DAGLB: variants seen among roughly 807,000 people sequenced by gnomAD.
DAGLB encodes diacylglycerol lipase-beta.
Under a neutral mutation model 72.1 loss-of-function variants are expected in DAGLB, and 66 were observed. The ratio of observed to expected loss-of-function variants is 0.92; its 90% CI spans 0.75 to 1.12. The LOEUF is 1.12. Ranked by LOEUF, DAGLB falls within the 50% of genes most tolerant of loss-of-function variation. The pLI, the probability that DAGLB is intolerant of heterozygous loss-of-function variation, is 0.00. For synonymous variants in DAGLB, 414 were observed against 359.5 expected, an observed-to-expected ratio of 1.15 and a Z score of -1.71; for missense variants, 1,065 against 884.9, an observed-to-expected ratio of 1.20 and a Z score of -2.58.
intron 1 of DAGLB, among the ~76,000 whole-genome samples, chr7:6,446,588 G>T (rs7810332): frequency 1.3e-5 from 2 of 151,432 alleles, no homozygotes; most frequent in Non-Finnish European, 1.5e-5. Flanking sequence ...TAGAGACAGG[G>T]TCTTGCTATG....
In DAGLB at chr7:6,434,744, C is replaced by G. The variant is rs376195510; in HGVS notation, c.678+18G>C. On this transcript the variant is annotated intron_variant, in intron 4 of 14. Coordinates refer to ENST00000297056, the MANE Select transcript of DAGLB (RefSeq NM_139179.4). ...CTGAAACAGAAGAAACAGACCAAAC[C>G]AGATCCCCTCGGCTTACTGAAAAGT... 1 of 1,613,558 alleles carries G rather than the reference C, an allele frequency of 6.2e-7. No homozygotes were observed. The highest frequency in any genetic ancestry group is 1.3e-5 in the African/African-American group (1 of 74,866).
intron 9 of DAGLB, among the ~76,000 whole-genome samples, chr7:6,420,363 CT>C (rs1246378424): frequency 1.3e-5 from 2 of 151,782 alleles, no homozygotes; most frequent in East Asian, 3.9e-4. Context: ...TTGCTTGAAC[CT>C]GGGAGGCAGA....
chr7:6,422,357 A>C (rs948494895), intron 8 of DAGLB: 1 of 237,084 alleles, frequency 4.2e-6, no homozygotes, highest in Non-Finnish European at 8.6e-6. Flanking sequence ...GGGCAGCAGG[A>C]CCCGCTGGCT....
At chr7:6,426,174 T>C in intron 6 of DAGLB, 60 bp from the exon 7 acceptor site, 1 of 1,603,106 alleles carries the variant, frequency 6.2e-7, no homozygotes, top group Non-Finnish European at 8.5e-7. Context: ...GGAACGTCCA[T>C]CCTCACTGCC....
rs762253271 is a variant in DAGLB at position 6,432,953 on chromosome 7, C to G, written c.685G>C (p.Asp229His). ...GCCGCAATGTCGCTGGGCACCAGATCTGTGTCCTGGGTGGGAAACCACAAT... is the reference window on the plus strand; with the variant it reads ...GCCGCAATGTCGCTGGGCACCAGATGTGTGTCCTGGGTGGGAAACCACAAT... ...ELFSTYFSDT[D>H]LVPSDIAAGL... The change falls in exon 5 of 15, where the codon GAT becomes CAT. Residue 229 changes from aspartate (D) to histidine (H), a missense_variant. Asp to His is a moderately conservative substitution (Grantham distance 81). Transcript: ENST00000297056. The G allele has an allele frequency of 1.2e-6, 2 of 1,613,472 alleles. No individual in the cohort carries two copies. Among genetic ancestry groups the G allele is most frequent in the Non-Finnish European group, 1.7e-6 (2 of 1,179,780 alleles).
rs57374634 is a variant in DAGLB at position 6,430,250 on chromosome 7, C to CATATATATATATATATATATATAT, written c.929+206_929+229dup. 1.7e-3 allele frequency among the ~76,000 whole-genome samples: 78 copies of CATATATATATATATATATATATAT among 45,716 alleles called. 1 individual carries two copies. Among genetic ancestry groups the CATATATATATATATATATATATAT allele is most frequent in the Non-Finnish European group, 2.1e-3 (57 of 26,784 alleles). 30.0% of individuals were successfully genotyped at this position (45,716 alleles called of 152,430 possible). On this transcript the variant is annotated intron_variant, in intron 6 of 14. Transcript: ENST00000297056. ...GGTTCGGGGAAAAAAAATACATGTG[C>CATATATATATATATATATATATAT]ATATATATATATATATATATATATA...
At chr7:6,421,011 T>C (rs1784099302) in intron 9 of DAGLB, among the ~76,000 whole-genome samples, 2 of 152,182 alleles carry the variant, frequency 1.3e-5, no homozygotes, top group Non-Finnish European at 1.5e-5. Context: ...ACTACCTGAA[T>C]GAATTCAGAG....
At position 6,416,761 on chromosome 7, in the gene DAGLB, G is replaced by A. The variant is rs777901321; in HGVS notation, c.1300-7C>T. The A allele has an allele frequency of 3.1e-6, 5 of 1,613,800 alleles. No homozygotes were observed. The highest frequency in any genetic ancestry group is 4.2e-6 in the Non-Finnish European group (5 of 1,179,888). ...CTATGACCAGCCGGTACTCCTAGAG[G>A]ACAGACAGCAGAATGAGGTGAAGGG... On this transcript the variant is annotated splice_polypyrimidine_tract_variant and splice_region_variant and intron_variant, in intron 10 of 14. Transcript: ENST00000297056.
In DAGLB at chr7:6,413,049, A is replaced by G; in HGVS notation, c.1428-15T>C. 3 of 1,611,096 alleles carry G rather than the reference A, an allele frequency of 1.9e-6. No individual in the cohort carries two copies. Among genetic ancestry groups the G allele is most frequent in the Non-Finnish European group, 2.5e-6 (3 of 1,177,710 alleles). On this transcript the variant is annotated splice_polypyrimidine_tract_variant and intron_variant, in intron 11 of 14. Transcript: ENST00000297056. ...GCAGAGCTTTGCTGAAATTCCAAAC[A>G]GAGAGAGGATGTTAGCTTTACGATG...
chr7:6,419,206 G>C (rs577289627), intron 9 of DAGLB, among the ~76,000 whole-genome samples: 2 of 151,262 alleles, frequency 1.3e-5, no homozygotes, highest in African/African-American at 4.9e-5. Context: ...ATTTTCAGTA[G>C]AGATGGGGTT....
At chr7:6,417,250 T>A in intron 9 of DAGLB, 1 of 188,800 alleles carries the variant, frequency 5.3e-6, no homozygotes, top group South Asian at 9.4e-5. Context: ...CCAGCCTGGA[T>A]CCTGACTCTA....
In DAGLB at chr7:6,410,327, G is replaced by A. The variant is rs1167474994; in HGVS notation, c.1623C>T (p.Asn541=). ...LWYELFGGNP[N]NLPTELDGGD... is the part of the protein sequence containing the mutation. ...CCCCGTCCAGCTCCGTGGGCAAGTT[G>A]TTGGGGTTTCCTCCAAACAGTTCGT... is the stretch of plus-strand genomic sequence containing the variant. The change falls in exon 14 of 15, where the codon AAC becomes AAT. Residue 541 remains asparagine, a synonymous_variant. Coordinates refer to ENST00000297056, the MANE Select transcript of DAGLB (RefSeq NM_139179.4). The A allele has an allele frequency of 6.2e-7, 1 of 1,613,996 alleles. No homozygotes were observed. The highest frequency in any genetic ancestry group is 8.5e-7 in the Non-Finnish European group (1 of 1,180,024).
At chr7:6,413,790 T>G (rs1432160963) in intron 11 of DAGLB, among the ~76,000 whole-genome samples, 1 of 152,176 alleles carries the variant, frequency 6.6e-6, no homozygotes, top group Non-Finnish European at 1.5e-5. Context: ...TAATAGTGCG[T>G]CCCGCACAGC....
At chr7:6,430,285 A>ATATATATATATATATATAGGGG (rs1784444801) in intron 6 of DAGLB, among the ~76,000 whole-genome samples, 195 bp downstream of exon 6, 1 of 98,416 alleles carries the variant, frequency 1.0e-5, no homozygotes, top group Non-Finnish European at 2.0e-5. Flanking sequence ...ATATATATGC[A>ATATATATATATATATATAGGGG]GGGGGGAGGG....
chr7:6,446,964 C>T (rs1425828699), intron 1 of DAGLB, among the ~76,000 whole-genome samples: 1 of 151,956 alleles, frequency 6.6e-6, no homozygotes. Context: ...GAGTGGTGAT[C>T]GCACCACTGC....
In DAGLB at chr7:6,430,619, G is replaced by A; in HGVS notation, c.802-12C>T. 6.4e-7 allele frequency: 1 copy of A among 1,574,196 alleles called. No individual in the cohort carries two copies. The highest frequency in any genetic ancestry group is 8.7e-7 in the Non-Finnish European group (1 of 1,155,496). On this transcript the variant is annotated splice_polypyrimidine_tract_variant and intron_variant, in intron 5 of 14. Transcript: ENST00000297056. ...TCCAGATCAGCTTCCTACAAGAGAA[G>A]GACAAAAACTACTGTTTATTAAGGG...
At chr7:6,412,787 C>T (rs1232584917) in intron 13 of DAGLB, 24 bp downstream of exon 13, 1 of 1,567,194 alleles carries the variant, frequency 6.4e-7, no homozygotes, top group Non-Finnish European at 8.7e-7. Flanking sequence ...TCCTGCTGAC[C>T]CTCTCAACAA....
At chr7:6,441,329 G>A (rs1784824753) in intron 2 of DAGLB, among the ~76,000 whole-genome samples, 1 of 151,292 alleles carries the variant, frequency 6.6e-6, no homozygotes, top group Admixed American at 6.6e-5. Context: ...CTCACCTCAT[G>A]ATTCGCCCGC....
At chr7:6,446,230 A>T in intron 1 of DAGLB, 126 bp from the exon 2 acceptor site, 6 of 865,394 alleles carry the variant, frequency 6.9e-6, no homozygotes, top group Middle Eastern at 4.1e-4. Flanking sequence ...GCACTTTGGG[A>T]GGGTGAGGTG....
Sources: allele counts gnomAD v4.1 joint callset (sites outside exome capture counted in the v4.1 genomes callset), GRCh38; gene constraint gnomAD v4.1.1; transcripts MANE v1.5; gene names NCBI Gene and HGNC (gene_info 2026-07-23, HGNC 2026-07-21).